Variants in RIMS1 observed in about 807,000 individuals in gnomAD.
The protein encoded by RIMS1 is regulating synaptic membrane exocytosis 1.
RIMS1 carries 83 observed loss-of-function variants against 214.1 expected under a neutral mutation model. The ratio of observed to expected loss-of-function variants is 0.39; its 90% CI spans 0.32 to 0.47. RIMS1 has a LOEUF of 0.47. RIMS1 is among the 20% of genes least tolerant of loss of function. The probability of loss-of-function intolerance (pLI) is 0.99; values close to 1 mark genes in which losing one functional copy is unlikely to be tolerated. For missense variants in RIMS1, 2,050 were observed against 2,161.8 expected, an observed-to-expected ratio of 0.95 and a Z score of 1.03; for synonymous variants, 793 against 786.8, an observed-to-expected ratio of 1.01 and a Z score of -0.13.
Position 72,262,443 on chromosome 6 carries a change from A to C in RIMS1, c.3116+1676A>C, listed in dbSNP as rs1357329901. On this transcript the variant is annotated intron_variant, in intron 19 of 33. Transcript: ENST00000521978. Reference sequence around the variant, plus strand: ...CATCCTGTGGACAGGTACTACGACAATAAGATAGGGAGTGGAAGGAAGCTG... The same window carrying C: ...CATCCTGTGGACAGGTACTACGACACTAAGATAGGGAGTGGAAGGAAGCTG... 6 of 985,146 alleles carry C rather than the reference A, an allele frequency of 6.1e-6. No homozygotes were observed. In the African/African-American group the frequency reaches 1.0e-4, roughly 17 times the overall value. 61.0% of individuals were successfully genotyped at this position (985,146 alleles called of 1,614,324 possible). A position where few individuals can be genotyped will look rare whatever the true frequency, so the allele number is the denominator to read the frequency against.
chr6:72,229,924 A>G (rs2061424567), intron 6 of RIMS1, among the ~76,000 whole-genome samples: 1 of 151,718 alleles, frequency 6.6e-6, no homozygotes, highest in Non-Finnish European at 1.5e-5. Flanking sequence ...CAACTTAAAA[A>G]CCTATTCTTA....
chr6:72,283,457 A>G (rs2091111155), intron 23 of RIMS1, among the ~76,000 whole-genome samples: 1 of 152,184 alleles, frequency 6.6e-6, no homozygotes, highest in African/African-American at 2.4e-5. Flanking sequence ...TAAAAATGCT[A>G]TGTAATTTAT....
chr6:72,100,172 G>C (rs952446076), intron 4 of RIMS1, among the ~76,000 whole-genome samples, 186 bp downstream of exon 4: 1 of 152,020 alleles, frequency 6.6e-6, no homozygotes, highest in Non-Finnish European at 1.5e-5. Flanking sequence ...GATATTAATA[G>C]ATAAAGTCTG....
intron 4 of RIMS1, among the ~76,000 whole-genome samples, chr6:72,168,709 A>G (rs1271345716): frequency 7.1e-6 from 1 of 141,692 alleles, no homozygotes; most frequent in East Asian, 2.1e-4. Context: ...GCTGCTGATC[A>G]CTAGTTTCAG....
chr6:72,032,801 C>T (rs147629337), intron 2 of RIMS1, among the ~76,000 whole-genome samples: 25 of 152,238 alleles, frequency 1.6e-4, no homozygotes, highest in Middle Eastern at 3.4e-3. Flanking sequence ...GAAGGATCTA[C>T]GTGCCCTTAT....
At chr6:71,983,729 C>T (rs1799106772) in intron 2 of RIMS1, among the ~76,000 whole-genome samples, 1 of 152,110 alleles carries the variant, frequency 6.6e-6, no homozygotes, top group Non-Finnish European at 1.5e-5. Context: ...TTTTTCTGCA[C>T]AGATTTTATG....
intron 1 of RIMS1, among the ~76,000 whole-genome samples, chr6:71,922,944 T>C (rs142228528): frequency 4.6e-5 from 7 of 152,232 alleles, no homozygotes; most frequent in Admixed American, 1.3e-4. Context: ...GCCTAAGGTG[T>C]ACATGCTCCA....
At chr6:72,037,103 G>C (rs1309990530) in intron 2 of RIMS1, among the ~76,000 whole-genome samples, 2 of 150,626 alleles carry the variant, frequency 1.3e-5, no homozygotes, top group Non-Finnish European at 3.0e-5. Flanking sequence ...ACTGAGTTAT[G>C]TATATTTACT....
intron 4 of RIMS1, chr6:72,175,411 G>T (rs539145561): frequency 2.0e-5 from 8 of 397,522 alleles, no homozygotes; most frequent in Non-Finnish European, 4.0e-5. Context: ...AGTGGCTCAC[G>T]CCTGTTATCC....
intron 1 of RIMS1, among the ~76,000 whole-genome samples, chr6:71,924,133 A>G (rs966240853): frequency 2.6e-5 from 4 of 152,168 alleles, no homozygotes; most frequent in African/African-American, 7.2e-5. Flanking sequence ...TTATTTTGCT[A>G]TTGGATAAAT....
At chr6:72,387,038 C>T (rs2098622474) in intron 29 of RIMS1, among the ~76,000 whole-genome samples, 1 of 152,092 alleles carries the variant, frequency 6.6e-6, no homozygotes, top group African/African-American at 2.4e-5. Context: ...TCGGCCTATT[C>T]ACTGTCTTTC....
intron 29 of RIMS1, among the ~76,000 whole-genome samples, chr6:72,369,010 T>C (rs1050718138): frequency 6.6e-6 from 1 of 150,504 alleles, no homozygotes; most frequent in Non-Finnish European, 1.5e-5. Context: ...TGTAACCAGC[T>C]TGGTTGGAGC....
At chr6:72,071,886 G>T (rs896442762) in intron 2 of RIMS1, among the ~76,000 whole-genome samples, 6 of 152,164 alleles carry the variant, frequency 3.9e-5, no homozygotes. Flanking sequence ...AGAAGACTCA[G>T]GGAAGGACAT....
intron 2 of RIMS1, among the ~76,000 whole-genome samples, chr6:71,976,569 T>A (rs1234278713): frequency 6.6e-6 from 1 of 152,100 alleles, no homozygotes; most frequent in Non-Finnish European, 1.5e-5. Context: ...TTGATAGTAC[T>A]TTTGAAGCAC....
chr6:71,982,391 C>T (rs1798722251), intron 2 of RIMS1, among the ~76,000 whole-genome samples: 1 of 152,008 alleles, frequency 6.6e-6, no homozygotes, highest in African/African-American at 2.4e-5. Flanking sequence ...AAGTTCTTGC[C>T]TTCTACAGTG....
At chr6:71,939,539 AGG>A (rs1785414222) in intron 1 of RIMS1, among the ~76,000 whole-genome samples, 1 of 152,146 alleles carries the variant, frequency 6.6e-6, no homozygotes, top group Non-Finnish European at 1.5e-5. Context: ...TTAAAAATAG[AGG>A]TATATTTGCC....
intron 26 of RIMS1, among the ~76,000 whole-genome samples, chr6:72,297,619 C>T (rs1208667827): frequency 6.6e-6 from 1 of 151,882 alleles, no homozygotes; most frequent in Non-Finnish European, 1.5e-5. Flanking sequence ...CCCCTCCAAG[C>T]GTTCCTTGGA....
chr6:71,950,069 A>C (rs1357313132), intron 1 of RIMS1, among the ~76,000 whole-genome samples: 1 of 152,190 alleles, frequency 6.6e-6, no homozygotes, highest in African/African-American at 2.4e-5. Context: ...AATGCAAATA[A>C]ATCTCAAAAA....
intron 4 of RIMS1, among the ~76,000 whole-genome samples, chr6:72,171,509 G>T (rs1244231927): frequency 6.6e-6 from 1 of 151,984 alleles, no homozygotes; most frequent in Non-Finnish European, 1.5e-5. Context: ...TGCTGATAAT[G>T]CTTACTTACT....
Sources: gnomAD v4.1 joint callset for allele counts (sites outside exome capture counted in the v4.1 genomes callset) on GRCh38, gnomAD v4.1.1 for gene constraint, MANE v1.5 for transcripts, NCBI Gene and HGNC (gene_info 2026-07-23, HGNC 2026-07-21) for gene names.